PNKD: variants seen among roughly 807,000 people sequenced by gnomAD.
PNKD encodes the protein PNKD metallo-beta-lactamase domain containing, also known as probable thioesterase PNKD.
In PNKD, 36 loss-of-function variants were observed where a neutral mutation model predicts 45.3. That is an observed-to-expected ratio of 0.80 (90% confidence interval 0.61 to 1.05). The LOEUF is 1.05. PNKD is among the 50% of genes least tolerant of loss of function. PNKD has a pLI of 0.00. For synonymous variants in PNKD, 197 were observed against 210.1 expected, an observed-to-expected ratio of 0.94 and a Z score of 0.54; for missense variants, 511 against 506.6, an observed-to-expected ratio of 1.01 and a Z score of -0.08.
intron 2 of PNKD, chr2:218,281,950 G>A: frequency 6.3e-7 from 1 of 1,597,980 alleles, no homozygotes; most frequent in East Asian, 2.3e-5. Context: ...CGTAGTTCAT[G>A]GGCATCGGGT....
At chr2:218,319,701 C>T (rs1693933833) in intron 2 of PNKD, among the ~76,000 whole-genome samples, 1 of 152,236 alleles carries the variant, frequency 6.6e-6, no homozygotes, top group Non-Finnish European at 1.5e-5. Flanking sequence ...GGATGTTTAG[C>T]AGCATACCTG....
At chr2:218,278,036 ACAG>A (rs755545373) in intron 2 of PNKD, 54 of 1,590,722 alleles carry the variant, frequency 3.4e-5, no homozygotes, top group Admixed American at 8.5e-5. Context: ...AGAGGCTCCT[ACAG>A]CAGAAGGAAG....
At chr2:218,286,168 A>C (rs1433258936) in intron 2 of PNKD, among the ~76,000 whole-genome samples, 1 of 152,082 alleles carries the variant, frequency 6.6e-6, no homozygotes, top group Non-Finnish European at 1.5e-5. Context: ...GAATTTTCCC[A>C]AAATACAGTA....
chr2:218,340,717 C>G lies in PNKD; in HGVS notation c.466-11C>G. 2.5e-6 allele frequency: 4 copies of G among 1,612,754 alleles called. No homozygotes were observed. Among genetic ancestry groups the G allele is most frequent in the Non-Finnish European group, 3.4e-6 (4 of 1,178,784 alleles). On this transcript the variant is annotated splice_polypyrimidine_tract_variant and intron_variant, in intron 4 of 9. Transcript: ENST00000273077. The surrounding 1 kb of genome is among the most constrained non-coding windows in gnomAD (Gnocchi z 4.2). The stretch of plus-strand genomic sequence containing the variant: ...CTGCTCCCCAGTCTCCAAACCTCCT[C>G]TCTCTCGCAGGCTTCCATTGAAAAG...
chr2:218,301,584 C>T (rs912513709), intron 2 of PNKD, among the ~76,000 whole-genome samples: 2 of 152,032 alleles, frequency 1.3e-5, no homozygotes, highest in African/African-American at 4.8e-5. Context: ...CCCAGGAGTT[C>T]GAAACCAGCC....
intron 1 of PNKD, 74 bp from the exon 2 acceptor site, chr2:218,271,307 C>T (rs1690820280): frequency 7.8e-7 from 1 of 1,278,558 alleles, no homozygotes; most frequent in Non-Finnish European, 1.1e-6. Flanking sequence ...CCTCCCAAGC[C>T]CTTACTGCCC....
At chr2:218,324,134 C>T (rs552569240) in intron 2 of PNKD, among the ~76,000 whole-genome samples, 2 of 151,494 alleles carry the variant, frequency 1.3e-5, no homozygotes, top group South Asian at 4.2e-4. Context: ...CCCCTTCCTT[C>T]CTGGCCCCAG....
At chr2:218,287,320 C>CTCT (rs1239158023) in intron 2 of PNKD, 1 of 152,210 alleles carries the variant, frequency 6.6e-6, no homozygotes, top group African/African-American at 2.4e-5. Flanking sequence ...CCCGCCCACT[C>CTCT]TCTGAGTGAT....
At chr2:218,289,596 C>T (rs992552303) in intron 2 of PNKD, among the ~76,000 whole-genome samples, 1 of 128,152 alleles carries the variant, frequency 7.8e-6, no homozygotes, top group Non-Finnish European at 1.6e-5. Context: ...GAGCCGAGAC[C>T]ATGCCACTGC....
At chr2:218,329,351 G>A (rs143682829) in intron 2 of PNKD, among the ~76,000 whole-genome samples, 38 of 152,360 alleles carry the variant, frequency 2.5e-4, no homozygotes, top group African/African-American at 8.2e-4. Flanking sequence ...ATTGCGATGA[G>A]CGAGGAGAGA....
chr2:218,293,557 G>A (rs2106246276), intron 2 of PNKD, among the ~76,000 whole-genome samples: 1 of 147,508 alleles, frequency 6.8e-6, no homozygotes, highest in Admixed American at 6.8e-5. Flanking sequence ...CTATAGGTCA[G>A]CACCACACCA....
In PNKD at chr2:218,334,801, G is replaced by C. The variant is rs112697957; in HGVS notation, c.237-4982G>C. 3.2e-4 allele frequency: 227 copies of C among 699,646 alleles called. 2 individuals are homozygous for C. In the African/African-American group the frequency reaches 3.3e-3, roughly 10 times the overall value. The allele number at this position is 699,646 out of a possible 1,614,324, so 43.3% of individuals were successfully genotyped here. A position where few individuals can be genotyped will look rare whatever the true frequency, so the allele number is the denominator to read the frequency against. On this transcript the variant is annotated intron_variant, in intron 2 of 9. Transcript: ENST00000273077. Reference sequence around the variant, plus strand: ...CACTGGCTTAAGGTGGAGTTAGCCAGGTTTCTATGGCCTTTATAATTAGTG... The same window carrying C: ...CACTGGCTTAAGGTGGAGTTAGCCACGTTTCTATGGCCTTTATAATTAGTG...
intron 2 of PNKD, among the ~76,000 whole-genome samples, chr2:218,310,465 C>T (rs956541139): frequency 6.6e-6 from 1 of 152,016 alleles, no homozygotes; most frequent in Non-Finnish European, 1.5e-5. Context: ...CTTGTTATCC[C>T]CCCACCTCGA....
intron 2 of PNKD, chr2:218,278,443 T>C (rs1691489320): frequency 6.7e-7 from 1 of 1,482,248 alleles, no homozygotes; most frequent in Admixed American, 1.7e-5. Flanking sequence ...AAGGAATCCT[T>C]CTTTCCAAAA....
chr2:218,345,842 A>AT lies in PNKD; in HGVS notation c.*863dup, dbSNP rs1694814867. 2 of 152,334 alleles carry AT rather than the reference A, an allele frequency of 1.3e-5. No individual in the cohort carries two copies. Among genetic ancestry groups the AT allele is most frequent in the South Asian group, 4.1e-4 (2 of 4,836 alleles). 9.4% of individuals were successfully genotyped at this position (152,334 alleles called of 1,614,324 possible). On this transcript the variant is annotated 3_prime_UTR_variant, in exon 10 of 10. Transcript: ENST00000273077. ...CACGGTCCTCTTTGGCCGATGCTGT[A>AT]TTCTCATTTTGGCCCTTGTTCTTAG...
intron 2 of PNKD, among the ~76,000 whole-genome samples, chr2:218,297,684 C>CAAAAAAA (rs71064428): frequency 2.4e-5 from 1 of 41,986 alleles, no homozygotes. Context: ...GACTCCGTCT[C>CAAAAAAA]AAAAAAAAAA....
intron 2 of PNKD, chr2:218,282,012 G>A (rs775988352): frequency 4.4e-6 from 7 of 1,608,040 alleles, no homozygotes; most frequent in African/African-American, 2.7e-5. Context: ...TAGCCAGGCT[G>A]CGGGTAGCCA....
At chr2:218,303,877 C>A (rs528795642) in intron 2 of PNKD, among the ~76,000 whole-genome samples, 11 of 151,836 alleles carry the variant, frequency 7.2e-5, no homozygotes, top group Non-Finnish European at 1.3e-4. Flanking sequence ...CCCGGCCAGA[C>A]CCGCACTTCT....
intron 2 of PNKD, chr2:218,334,804 T>C (rs1016022618): frequency 5.7e-6 from 4 of 696,544 alleles, no homozygotes; most frequent in Non-Finnish European, 1.0e-5. Flanking sequence ...TTAGCCAGGT[T>C]TCTATGGCCT....
Sources: allele counts gnomAD v4.1 joint callset (sites outside exome capture counted in the v4.1 genomes callset), GRCh38; gene constraint gnomAD v4.1.1; non-coding constraint Gnocchi (gnomAD v3.1); transcripts MANE v1.5; gene names NCBI Gene and HGNC (gene_info 2026-07-23, HGNC 2026-07-21).